Variants in SGCZ observed in about 807,000 individuals in gnomAD.
SGCZ encodes the protein sarcoglycan zeta.
SGCZ carries 40 observed loss-of-function variants against 41.3 expected under a neutral mutation model. That is an observed-to-expected ratio of 0.97 (90% confidence interval 0.75 to 1.26). The LOEUF (loss-of-function observed/expected upper bound fraction) is 1.26. Among genes scored for constraint, SGCZ ranks in the 50% most tolerant of loss-of-function variants. The pLI is 0.00. For missense variants in SGCZ, 552 were observed against 369.8 expected, an observed-to-expected ratio of 1.49 and a Z score of -4.04; for synonymous variants, 206 against 137.5, an observed-to-expected ratio of 1.50 and a Z score of -3.49.
chr8:14,222,913 G>T (rs1806251488), intron 4 of SGCZ, among the ~76,000 whole-genome samples: 2 of 142,284 alleles, frequency 1.4e-5, no homozygotes, highest in Non-Finnish European at 3.0e-5. Context: ...CCGGGTTCAA[G>T]AGACTCTCCT....
intron 2 of SGCZ, among the ~76,000 whole-genome samples, chr8:14,335,587 C>T (rs1273759077): frequency 2.6e-5 from 4 of 152,122 alleles, no homozygotes; most frequent in Non-Finnish European, 5.9e-5. Flanking sequence ...GACAGACATA[C>T]CTTTAGCTAA....
chr8:15,126,013 G>C (rs1009253130), intron 1 of SGCZ, among the ~76,000 whole-genome samples: 1 of 152,168 alleles, frequency 6.6e-6, no homozygotes, highest in African/African-American at 2.4e-5. Context: ...GGGCGTGCTA[G>C]TGCGCACCTG....
chr8:14,686,522 G>T (rs901125545), intron 1 of SGCZ, among the ~76,000 whole-genome samples: 1 of 152,016 alleles, frequency 6.6e-6, no homozygotes, highest in Non-Finnish European at 1.5e-5. Flanking sequence ...GGTCACTAAG[G>T]CATATAGATT....
chr8:14,126,785 C>T (rs1005124656), intron 5 of SGCZ, among the ~76,000 whole-genome samples: 1 of 152,108 alleles, frequency 6.6e-6, no homozygotes, highest in Non-Finnish European at 1.5e-5. Context: ...GCATATACAC[C>T]ACGGAATACT....
intron 1 of SGCZ, among the ~76,000 whole-genome samples, chr8:14,641,174 T>C (rs994201501): frequency 3.3e-5 from 5 of 151,708 alleles, no homozygotes; most frequent in African/African-American, 1.2e-4. Context: ...AAATTGCTTC[T>C]ACTGCTGTAA....
At chr8:14,373,031 T>C (rs572592689) in intron 2 of SGCZ, among the ~76,000 whole-genome samples, 5 of 152,338 alleles carry the variant, frequency 3.3e-5, no homozygotes, top group South Asian at 2.1e-4. Flanking sequence ...TAACCTGCTT[T>C]AGATTGCAAA....
At chr8:14,750,829 G>A (rs1412694594) in intron 1 of SGCZ, among the ~76,000 whole-genome samples, 1 of 152,102 alleles carries the variant, frequency 6.6e-6, no homozygotes, top group Non-Finnish European at 1.5e-5. Flanking sequence ...GCATATTACT[G>A]TGCCTATTCA....
At chr8:14,797,355 C>T (rs149424927) in intron 1 of SGCZ, among the ~76,000 whole-genome samples, 88 of 152,120 alleles carry the variant, frequency 5.8e-4, no homozygotes, top group Middle Eastern at 3.4e-3. Context: ...CAGATGGAGA[C>T]GAGGAACTTG....
intron 1 of SGCZ, among the ~76,000 whole-genome samples, chr8:14,645,297 T>C (rs1011890586): frequency 1.3e-5 from 2 of 151,292 alleles, no homozygotes; most frequent in East Asian, 2.0e-4. Flanking sequence ...TTATACCTTA[T>C]GTTCTAAAAA....
At chr8:14,708,585 T>C in intron 1 of SGCZ, among the ~76,000 whole-genome samples, 1 of 152,006 alleles carries the variant, frequency 6.6e-6, no homozygotes, top group South Asian at 2.1e-4. Context: ...CCTGACCAAC[T>C]TGGAAAGGGC....
intron 1 of SGCZ, among the ~76,000 whole-genome samples, chr8:15,069,180 G>T (rs7844909): frequency 0.31 from 46,971 of 151,612 alleles, 7,465 homozygotes; most frequent in African/African-American, 0.4. Context: ...AGGTTTTTTT[G>T]GGGTTTTGTT....
chr8:15,131,019 T>C (rs1026265783), intron 1 of SGCZ, among the ~76,000 whole-genome samples: 4 of 152,200 alleles, frequency 2.6e-5, no homozygotes, highest in African/African-American at 9.7e-5. Flanking sequence ...GTTACTAGGA[T>C]TTTTTTCAAA....
intron 1 of SGCZ, among the ~76,000 whole-genome samples, chr8:15,086,375 A>G (rs1347483811): frequency 6.6e-6 from 1 of 152,198 alleles, no homozygotes; most frequent in Non-Finnish European, 1.5e-5. Flanking sequence ...AGCTCCTCTT[A>G]GAGGTGAGTG....
intron 4 of SGCZ, among the ~76,000 whole-genome samples, chr8:14,183,011 CAAAAA>C (rs34038057): frequency 1.2e-5 from 1 of 83,776 alleles, no homozygotes. Flanking sequence ...AACTCCGTCT[CAAAAA>C]AAAAAAAAAA....
At chr8:15,015,586 G>A (rs904983911) in intron 1 of SGCZ, among the ~76,000 whole-genome samples, 1 of 150,348 alleles carries the variant, frequency 6.7e-6, no homozygotes, top group African/African-American at 2.4e-5. Context: ...ACCCGGAGAG[G>A]CTGAGGCAGG....
At chr8:14,316,889 T>C (rs1384804194) in intron 3 of SGCZ, among the ~76,000 whole-genome samples, 1 of 151,188 alleles carries the variant, frequency 6.6e-6, no homozygotes, top group Non-Finnish European at 1.5e-5. Context: ...TAGACTCATA[T>C]GTCCACCAGC....
chr8:14,233,729 T>C (rs961594407), intron 4 of SGCZ, among the ~76,000 whole-genome samples: 1 of 151,280 alleles, frequency 6.6e-6, no homozygotes, highest in Non-Finnish European at 1.5e-5. Flanking sequence ...GTTATCAACA[T>C]ATATGAATAT....
intron 2 of SGCZ, among the ~76,000 whole-genome samples, chr8:14,518,738 C>T (rs1187580546): frequency 6.6e-6 from 1 of 151,712 alleles, no homozygotes; most frequent in Non-Finnish European, 1.5e-5. Flanking sequence ...ATCCTAATCC[C>T]TTATCACCCA....
chr8:15,018,871 C>T (rs916229342), intron 1 of SGCZ, among the ~76,000 whole-genome samples: 1 of 152,100 alleles, frequency 6.6e-6, no homozygotes, highest in African/African-American at 2.4e-5. Context: ...AGGAAACTTA[C>T]AATCATGGTG....
Sources: allele counts gnomAD v4.1 joint callset (sites outside exome capture counted in the v4.1 genomes callset), GRCh38; gene constraint gnomAD v4.1.1; transcripts MANE v1.5; gene names NCBI Gene and HGNC (gene_info 2026-07-23, HGNC 2026-07-21).